The following LINC01488 variants were observed in gnomAD, a reference collection of about 807,000 sequenced individuals.
LINC01488 encodes the protein long independently transcribed non-coding RNA 1488.
chr11:69,483,252 T>C (rs1051066729), intron 1 of LINC01488, among the ~76,000 whole-genome samples: 11 of 152,210 alleles, frequency 7.2e-5, no homozygotes, highest in Non-Finnish European at 1.3e-4. Flanking sequence ...CTCTGCCCCA[T>C]GGACCCCTCT....
At chr11:69,485,437 CA>C (rs1453677540) in intron 1 of LINC01488, among the ~76,000 whole-genome samples, 2 of 152,196 alleles carry the variant, frequency 1.3e-5, no homozygotes, top group Non-Finnish European at 2.9e-5. Context: ...CCAGAAGAAC[CA>C]GGGGAAGCTC....
At chr11:69,481,932 T>C (rs991075817) in intron 1 of LINC01488, 5 of 151,844 alleles carry the variant, frequency 3.3e-5, no homozygotes, top group African/African-American at 4.8e-5. Flanking sequence ...GATGAGTGGA[T>C]GGATGGATAG....
At chr11:69,483,492 C>T (rs1258505635) in intron 1 of LINC01488, among the ~76,000 whole-genome samples, 1 of 152,196 alleles carries the variant, frequency 6.6e-6, no homozygotes, top group African/African-American at 2.4e-5. Context: ...GTGCTGACCC[C>T]TAGCAAGCAC....
intron 1 of LINC01488, among the ~76,000 whole-genome samples, chr11:69,482,622 A>AATGG (rs1449290162): frequency 2.0e-5 from 3 of 151,246 alleles, no homozygotes; most frequent in African/African-American, 4.9e-5. Flanking sequence ...TGGATGGGTA[A>AATGG]ATGGATGGAT....
intron 1 of LINC01488, among the ~76,000 whole-genome samples, chr11:69,486,467 C>A (rs1857120334): frequency 6.6e-6 from 1 of 152,214 alleles, no homozygotes; most frequent in Admixed American, 6.5e-5. Flanking sequence ...GATTCCAAAA[C>A]CAGGTGAAGG....
intron 1 of LINC01488, among the ~76,000 whole-genome samples, chr11:69,483,828 G>A (rs914653755): frequency 2.0e-5 from 3 of 152,288 alleles, no homozygotes; most frequent in Admixed American, 1.3e-4. Context: ...GGGCCGGCCC[G>A]GCTGGCGGGC....
intron 1 of LINC01488, among the ~76,000 whole-genome samples, chr11:69,489,879 A>C (rs1857191368): frequency 6.6e-6 from 1 of 152,114 alleles, no homozygotes; most frequent in Non-Finnish European, 1.5e-5. Context: ...TCAGCGGGTG[A>C]GGAGGGTAAG....
chr11:69,485,520 G>C (rs73528642), intron 1 of LINC01488: 1 of 152,296 alleles, frequency 6.6e-6, no homozygotes, highest in Non-Finnish European at 1.5e-5. Context: ...TCTTGGGGGC[G>C]TGAGCTAGAA....
intron 1 of LINC01488, among the ~76,000 whole-genome samples, chr11:69,483,883 G>A (rs929979766): frequency 6.6e-6 from 1 of 152,226 alleles, no homozygotes; most frequent in Non-Finnish European, 1.5e-5. Flanking sequence ...CCGGTGGGCT[G>A]GGGCCGGAAA....
At chr11:69,486,479 G>A (rs1857120863) in intron 1 of LINC01488, among the ~76,000 whole-genome samples, 1 of 152,226 alleles carries the variant, frequency 6.6e-6, no homozygotes, top group Non-Finnish European at 1.5e-5. Context: ...AGGTGAAGGC[G>A]CAAAAGCCGT....
chr11:69,483,121 G>A (rs921477968), intron 1 of LINC01488, among the ~76,000 whole-genome samples: 3 of 152,190 alleles, frequency 2.0e-5, no homozygotes, highest in Admixed American at 2.0e-4. Context: ...GAGAGTGTGG[G>A]TACTCATGAC....
At chr11:69,483,549 G>A (rs568457615) in intron 1 of LINC01488, among the ~76,000 whole-genome samples, 8 of 152,320 alleles carry the variant, frequency 5.3e-5, no homozygotes, top group African/African-American at 1.9e-4. Flanking sequence ...TCCATGGGTA[G>A]GCTGAAGGTA....
intron 1 of LINC01488, among the ~76,000 whole-genome samples, chr11:69,489,456 T>G (rs1487683111): frequency 6.6e-6 from 1 of 152,244 alleles, no homozygotes; most frequent in Non-Finnish European, 1.5e-5. Context: ...CCTGGCAGCA[T>G]GCAGGGACCC....
chr11:69,488,313 G>A (rs892343674), intron 1 of LINC01488: 1 of 152,372 alleles, frequency 6.6e-6, no homozygotes, highest in Non-Finnish European at 1.5e-5. Flanking sequence ...ACCAGGGTAA[G>A]AGGGAGACAC....
At chr11:69,486,853 C>G (rs1857129163) in intron 1 of LINC01488, among the ~76,000 whole-genome samples, 1 of 152,226 alleles carries the variant, frequency 6.6e-6, no homozygotes, top group Non-Finnish European at 1.5e-5. Flanking sequence ...GCTCCTGGCC[C>G]TGCCCCACTG....
intron 1 of LINC01488, among the ~76,000 whole-genome samples, chr11:69,488,887 G>T (rs1336493790): frequency 6.6e-6 from 1 of 152,198 alleles, no homozygotes; most frequent in South Asian, 2.1e-4. Context: ...CTGCACAGCC[G>T]TAGCCTTGAC....
intron 1 of LINC01488, among the ~76,000 whole-genome samples, chr11:69,483,461 C>T (rs1331506941): frequency 6.6e-6 from 1 of 152,194 alleles, no homozygotes; most frequent in Non-Finnish European, 1.5e-5. Context: ...AAATGAGGGA[C>T]ATTCATGGGA....
At chr11:69,487,876 C>T (rs533902992) in intron 1 of LINC01488, 34 of 152,354 alleles carry the variant, frequency 2.2e-4, no homozygotes, top group Admixed American at 2.0e-3. Context: ...CCGGCTGTGC[C>T]TCTTTGTCCC....
intron 3 of LINC01488, chr11:69,491,600 A>T (rs1006326720): frequency 6.6e-6 from 1 of 152,364 alleles, no homozygotes; most frequent in Non-Finnish European, 1.5e-5. Flanking sequence ...GGCCCTTGGT[A>T]TGAAGACCCG....
Sources: gnomAD v4.1 joint callset for allele counts (sites outside exome capture counted in the v4.1 genomes callset) on GRCh38, gnomAD v4.1.1 for gene constraint, MANE v1.5 for transcripts, NCBI Gene and HGNC (gene_info 2026-07-23, HGNC 2026-07-21) for gene names.